The following COL9A2 variants were observed in gnomAD, a reference collection of about 807,000 sequenced individuals.
The protein encoded by COL9A2 is collagen type IX alpha 2 chain, also known as collagen alpha-2(IX) chain.
In COL9A2, 66 loss-of-function variants were observed where a neutral mutation model predicts 111.6. The ratio of observed to expected loss-of-function variants is 0.59; its 90% confidence interval spans 0.48 to 0.73. COL9A2 has a LOEUF of 0.73. Among genes scored for constraint, COL9A2 ranks in the 30% least tolerant of loss-of-function variants. The pLI is 0.00. For synonymous variants in COL9A2, 353 were observed against 364.1 expected, an observed-to-expected ratio of 0.97 and a Z score of 0.35; for missense variants, 881 against 954.1, an observed-to-expected ratio of 0.92 and a Z score of 1.01.
At chr1:40,306,213 T>C (rs1644027779) in intron 19 of COL9A2, 26 bp from the exon 20 acceptor site, 1 of 1,614,142 alleles carries the variant, frequency 6.2e-7, no homozygotes, top group Non-Finnish European at 8.5e-7. Flanking sequence ...GAAGTCAGTT[T>C]CTGCCCTGGC....
At position 40,307,527 on chromosome 1, in the gene COL9A2, A is replaced by C. The variant is rs1355200279; in HGVS notation, c.955-28T>G. The C allele has an allele frequency of 6.2e-7, 1 of 1,613,788 alleles. No individual in the cohort carries two copies. The highest frequency in any genetic ancestry group is 1.3e-5 in the African/African-American group (1 of 75,036). On this transcript the variant is annotated intron_variant, in intron 18 of 31. Coordinates refer to ENST00000372748, the MANE Select transcript of COL9A2 (RefSeq NM_001852.4). This position sits in a 1 kb window ranked among gnomAD's most constrained non-coding sequence, Gnocchi z 4.8. Reference sequence around the variant, plus strand: ...GGGATAGACAGATAACCAAAGATACAAATTAAAGCTCCAGCCAGAGGGCCA... The same window carrying C: ...GGGATAGACAGATAACCAAAGATACCAATTAAAGCTCCAGCCAGAGGGCCA...
At chr1:40,304,205 A>ACCAGAACC (rs1643982395) in intron 24 of COL9A2, 106 bp from the exon 25 acceptor site, 2 of 1,523,796 alleles carry the variant, frequency 1.3e-6, no homozygotes, top group Non-Finnish European at 1.8e-6. Flanking sequence ...CGCCGACCAG[A>ACCAGAACC]CCAGAACCCT....
At chr1:40,305,804 C>T in intron 20 of COL9A2, 36 bp from the exon 21 acceptor site, 1 of 1,600,178 alleles carries the variant, frequency 6.2e-7, no homozygotes, top group Non-Finnish European at 8.6e-7. Flanking sequence ...GTCTGGGTGG[C>T]CCAGTCAGGC....
Position 40,303,645 on chromosome 1 carries a change from C to T in COL9A2, c.1433G>A (p.Gly478Asp), listed in dbSNP as rs1470272705. 26 of 1,584,506 alleles carry T rather than the reference C, an allele frequency of 1.6e-5. No individual in the cohort carries two copies. Among genetic ancestry groups the T allele is most frequent in the Non-Finnish European group, 1.8e-5 (21 of 1,165,980 alleles). Reference sequence around the variant, plus strand: ...TGGGGCGCCCGCATCCCCGCTGGGGCCAGGGTAGCCGGGTTCTCCACGTAC... The same window carrying T: ...TGGGGCGCCCGCATCCCCGCTGGGGTCAGGGTAGCCGGGTTCTCCACGTAC... Reference protein sequence around the residue: ...QGVRGEPGYPGPSGDAGAPGV... With the variant: ...QGVRGEPGYPDPSGDAGAPGV... Residue 478 changes from glycine (G) to aspartate (D), a missense_variant, in exon 28 of 32, where the codon GGC (glycine) becomes GAC (aspartate). Physicochemically the swap from Gly to Asp is moderately conservative, Grantham distance 94. Coordinates refer to ENST00000372748, the MANE Select transcript of COL9A2 (RefSeq NM_001852.4). This position sits in a 1 kb window ranked among gnomAD's most constrained non-coding sequence, Gnocchi z 4.6.
At position 40,311,185 on chromosome 1, in the gene COL9A2, T is replaced by C. The variant is rs1317041118; in HGVS notation, c.577-39A>G. On this transcript the variant is annotated intron_variant, in intron 11 of 31. Coordinates refer to ENST00000372748, the MANE Select transcript of COL9A2 (RefSeq NM_001852.4). The surrounding 1 kb of genome is among the most constrained non-coding windows in gnomAD (Gnocchi z 5.1). The stretch of plus-strand genomic sequence containing the variant: ...GAGAGCTCAATACGAGGTCCCCTCC[T>C]GTCACCTGCACCACCCTCCCAAGAT... 6 of 1,614,084 alleles carry C rather than the reference T, an allele frequency of 3.7e-6. No homozygotes were observed.
intron 21 of COL9A2, among the ~76,000 whole-genome samples, 177 bp downstream of exon 21, chr1:40,305,538 G>GTCCCC (rs892163043): frequency 1.3e-5 from 2 of 152,194 alleles, no homozygotes; most frequent in Non-Finnish European, 2.9e-5. Flanking sequence ...AACAGAGCCA[G>GTCCCC]TCCCCACCCT....
At position 40,302,823 on chromosome 1, in the gene COL9A2, G is replaced by C; in HGVS notation, c.1604-14C>G. The stretch of plus-strand genomic sequence containing the variant: ...CTGCCAGTTGCTCTGGAGGGAGGGA[G>C]GGAGGGAGGGAGAGGGAAGTCTATG... On this transcript the variant is annotated splice_polypyrimidine_tract_variant and intron_variant, in intron 29 of 31. Coordinates refer to ENST00000372748, the MANE Select transcript of COL9A2 (RefSeq NM_001852.4). This position sits in a 1 kb window ranked among gnomAD's most constrained non-coding sequence, Gnocchi z 4.5. 1.3e-6 allele frequency: 2 copies of C among 1,537,444 alleles called. No individual in the cohort carries two copies. Among genetic ancestry groups the C allele is most frequent in the Non-Finnish European group, 1.8e-6 (2 of 1,138,776 alleles).
Position 40,311,968 on chromosome 1 carries a change from G to A in COL9A2, c.417+91C>T. 1.5e-6 allele frequency: 2 copies of A among 1,362,236 alleles called. No homozygotes were observed. The highest frequency in any genetic ancestry group is 2.1e-6 in the Non-Finnish European group (2 of 972,284). The allele number at this position is 1,362,236 out of a possible 1,614,324, so 84.4% of individuals were successfully genotyped here. On this transcript the variant is annotated intron_variant, in intron 8 of 31. Coordinates refer to ENST00000372748, the MANE Select transcript of COL9A2 (RefSeq NM_001852.4). The surrounding 1 kb of genome is among the most constrained non-coding windows in gnomAD (Gnocchi z 5.1). ...TGGAGGAGTTTCCCAGTGGCCAGGA[G>A]CAGGCCCAGGAACTTCCAGAAAGAC...
intron 16 of COL9A2, among the ~76,000 whole-genome samples, chr1:40,308,981 C>T (rs143983093): frequency 0.029 from 4,472 of 152,294 alleles, 140 homozygotes; most frequent in East Asian, 0.16. Context: ...CGTGTTGGCT[C>T]ACACCTGTAA....
At position 40,310,775 on chromosome 1, in the gene COL9A2, G is replaced by T; in HGVS notation, c.631-8C>A. On this transcript the variant is annotated splice_polypyrimidine_tract_variant and splice_region_variant and intron_variant, in intron 12 of 31. Transcript: ENST00000372748. The surrounding 1 kb of genome is among the most constrained non-coding windows in gnomAD (Gnocchi z 4.9). ...CACATCTCCCTTGGGACCCTAAAGG[G>T]CAGGGATGAGCTGTCAGACAGGCAG... 1 of 1,559,034 alleles carries T rather than the reference G, an allele frequency of 6.4e-7. No homozygotes were observed. Among genetic ancestry groups the T allele is most frequent in the South Asian group, 1.2e-5 (1 of 84,460 alleles).
In COL9A2 at chr1:40,301,167, G is replaced by A; in HGVS notation, c.*15C>T. On this transcript the variant is annotated 3_prime_UTR_variant, in exon 32 of 32. Coordinates refer to ENST00000372748, the MANE Select transcript of COL9A2 (RefSeq NM_001852.4). ...CCCGCCAGGATGCCTGCCAGGCTCT[G>A]TCTGGGCCTGATGCTCAAGGCCCCT... 1.2e-6 allele frequency: 2 copies of A among 1,612,650 alleles called. No homozygotes were observed. Among genetic ancestry groups the A allele is most frequent in the Non-Finnish European group, 1.7e-6 (2 of 1,179,912 alleles).
chr1:40,302,494 CCTG>C lies in COL9A2; in HGVS notation c.1792+124_1792+126del. ...ACTAGGAAAGAGCCCAGGAGTGTCT[CCTG>C]GACCATGTGGCTGAGGAACCGGGGA... On this transcript the variant is annotated intron_variant, in intron 30 of 31. Transcript: ENST00000372748. This position sits in a 1 kb window ranked among gnomAD's most constrained non-coding sequence, Gnocchi z 4.5. 9.4e-7 allele frequency: 1 copy of C among 1,059,256 alleles called. No homozygotes were observed. The highest frequency in any genetic ancestry group is 1.4e-6 in the Non-Finnish European group (1 of 715,692). The allele number at this position is 1,059,256 out of a possible 1,614,324, so 65.6% of individuals were successfully genotyped here. A position where few individuals can be genotyped will look rare whatever the true frequency, so the allele number is the denominator to read the frequency against.
In COL9A2 at chr1:40,307,771, A is replaced by G; in HGVS notation, c.901-15T>C. 1 of 1,613,964 alleles carries G rather than the reference A, an allele frequency of 6.2e-7. No homozygotes were observed. Among genetic ancestry groups the G allele is most frequent in the Non-Finnish European group, 8.5e-7 (1 of 1,179,910 alleles). On this transcript the variant is annotated splice_polypyrimidine_tract_variant and intron_variant, in intron 17 of 31. Transcript: ENST00000372748. The surrounding 1 kb of genome is among the most constrained non-coding windows in gnomAD (Gnocchi z 4.8). ...CCTGGGGGGCCCTACCCAGGAGGAA[A>G]GTTCAAGGGAGAGTGATAATGCGGA...
intron 31 of COL9A2, 113 bp from the exon 32 acceptor site, chr1:40,301,494 A>T: frequency 2.3e-6 from 2 of 878,424 alleles, no homozygotes; most frequent in Non-Finnish European, 3.5e-6. Context: ...ACCATAGGAG[A>T]AAGGACTCTG....
Position 40,306,136 on chromosome 1 carries a change from G to T in COL9A2, c.1053+7C>A. On this transcript the variant is annotated splice_region_variant and intron_variant, in intron 20 of 31. Transcript: ENST00000372748. ...TCAATTCTGTCCCCAGCTTGGGATC[G>T]CCTCACCTGGTCTCCAGGGCCTCCT... 4 of 1,614,042 alleles carry T rather than the reference G, an allele frequency of 2.5e-6. No individual in the cohort carries two copies. The highest frequency in any genetic ancestry group is 3.4e-6 in the Non-Finnish European group (4 of 1,179,936).
At chr1:40,313,890 CA>C (rs1644172940) in intron 4 of COL9A2, among the ~76,000 whole-genome samples, 1 of 152,116 alleles carries the variant, frequency 6.6e-6, no homozygotes, top group Non-Finnish European at 1.5e-5. Flanking sequence ...CAGCCCCACC[CA>C]ACATATTCAG....
rs548994026 is a variant in COL9A2, at chr1:40,308,076, G to A, written c.900+116C>T. On this transcript the variant is annotated intron_variant, in intron 17 of 31. Transcript: ENST00000372748. The stretch of plus-strand genomic sequence containing the variant: ...GGGAGGCATTTCCTGAGGTTATGGA[G>A]CCAGCCCACCAGTTGCAGAGTTCAG... 4.1e-5 allele frequency: 43 copies of A among 1,037,498 alleles called. No homozygotes were observed. The African/African-American group carries it at 6.3e-4, about 15-fold the overall frequency. The allele number at this position is 1,037,498 out of a possible 1,614,324, so 64.3% of individuals were successfully genotyped here.
Position 40,308,236 on chromosome 1 carries a change from C to T in COL9A2, c.856G>A (p.Gly286Ser), listed in dbSNP as rs1293900576. 2 of 1,614,080 alleles carry T rather than the reference C, an allele frequency of 1.2e-6. No homozygotes were observed. The highest frequency in any genetic ancestry group is 3.3e-5 in the Admixed American group (2 of 60,018). ...AGEKGDEGSPGIRGPQGITGP... is the reference protein window; with the variant it reads ...AGEKGDEGSPSIRGPQGITGP... ...GTGATCCCCTGGGGTCCACGAATAC[C>T]TGGGCTGCCCTGCAAAGCGGAGAGA... The change falls in exon 17 of 32, where the codon GGT becomes AGT. Residue 286 changes from glycine (G) to serine (S), a missense_variant. Coordinates refer to ENST00000372748, the MANE Select transcript of COL9A2 (RefSeq NM_001852.4).
At position 40,311,451 on chromosome 1, in the gene COL9A2, T is replaced by C. The variant is rs1328829890; in HGVS notation, c.519+49A>G. Reference sequence around the variant, plus strand: ...CTCCGTGGCCCCGCCTCCCCATCTCTGTGGCCCCGCCCCCCTGTGTTAGCC... The same window carrying C: ...CTCCGTGGCCCCGCCTCCCCATCTCCGTGGCCCCGCCCCCCTGTGTTAGCC... On this transcript the variant is annotated intron_variant, in intron 10 of 31. Coordinates refer to ENST00000372748, the MANE Select transcript of COL9A2 (RefSeq NM_001852.4). This position sits in a 1 kb window ranked among gnomAD's most constrained non-coding sequence, Gnocchi z 5.1. 1 of 1,340,700 alleles carries C rather than the reference T, an allele frequency of 7.5e-7. No individual in the cohort carries two copies. Among genetic ancestry groups the C allele is most frequent in the Non-Finnish European group, 1.1e-6 (1 of 941,446 alleles). 83.1% of individuals were successfully genotyped at this position (1,340,700 alleles called of 1,614,324 possible).
Sources: gnomAD v4.1 joint callset for allele counts (sites outside exome capture counted in the v4.1 genomes callset) on GRCh38, gnomAD v4.1.1 for gene constraint, Gnocchi (gnomAD v3.1) non-coding constraint, MANE v1.5 for transcripts, NCBI Gene and HGNC (gene_info 2026-07-23, HGNC 2026-07-21) for gene names.